The following MED13L variants were observed in gnomAD, a reference collection of about 807,000 sequenced individuals.
The protein encoded by MED13L is mediator of RNA polymerase II transcription subunit 13-like.
MED13L carries 7 observed loss-of-function variants against 220.9 expected under a neutral mutation model. That is an observed-to-expected ratio of 0.03 (90% CI 0.02 to 0.06). MED13L has a LOEUF of 0.06. Among genes scored for constraint, MED13L ranks in the 10% least tolerant of loss-of-function variants. The pLI is 1.00. For missense variants in MED13L, 1,965 were observed against 2,760.5 expected (o/e 0.71, Z 6.46); for synonymous variants, 1,011 against 1,015.2 (o/e 1.00, Z 0.08).
At chr12:116,006,434 C>T (rs1210030604) in intron 11 of MED13L, 23 bp from the exon 12 acceptor site, 2 of 1,587,954 alleles carry the variant, frequency 1.3e-6, no homozygotes, top group Non-Finnish European at 1.7e-6. Flanking sequence ...TTCAGCCAAA[C>T]AAAACACATG....
chr12:116,052,676 C>A (rs1566032262), intron 4 of MED13L, among the ~76,000 whole-genome samples: 1 of 152,188 alleles, frequency 6.6e-6, no homozygotes, highest in Admixed American at 6.5e-5. Context: ...ACCATTTTGA[C>A]AAATTAGCCA....
chr12:116,147,915 C>T (rs976144036), intron 2 of MED13L, among the ~76,000 whole-genome samples: 8 of 150,846 alleles, frequency 5.3e-5, no homozygotes, highest in Non-Finnish European at 1.2e-4. Flanking sequence ...GGCTTGGTGG[C>T]GTGCACCTGT....
intron 13 of MED13L, 61 bp from the exon 14 acceptor site, chr12:116,003,163 A>G: frequency 7.0e-7 from 1 of 1,432,888 alleles, no homozygotes; most frequent in Non-Finnish European, 9.8e-7. Context: ...CAGCATTCAA[A>G]TATTTCCTAA....
chr12:116,139,955 A>C (rs891532974), intron 2 of MED13L, among the ~76,000 whole-genome samples: 58 of 136,224 alleles, frequency 4.3e-4, no homozygotes, highest in Non-Finnish European at 7.6e-4. Flanking sequence ...GGGCAACAAA[A>C]CCAAAACTCC....
Position 116,277,078 on chromosome 12 carries a change from G to C in MED13L, c.54C>G (p.His18Gln). The stretch of plus-strand genomic sequence containing the variant: ...TACTCACCAGCGAAAAGAGGTTGGA[G>C]TGACAATCCTCCAGGCTCGCCCCGT... ...VANGASLEDCHSNLFSLAELT... is the reference protein window; with the variant it reads ...VANGASLEDCQSNLFSLAELT... The change falls in exon 1 of 31, where the codon CAC becomes CAG. Residue 18 changes from histidine (H) to glutamine (Q), a missense_variant. His to Gln is a conservative substitution (Grantham distance 24). Coordinates refer to ENST00000281928, the MANE Select transcript of MED13L (RefSeq NM_015335.5). 3 of 1,593,978 alleles carry C rather than the reference G, an allele frequency of 1.9e-6. No homozygotes were observed. The highest frequency in any genetic ancestry group is 2.6e-6 in the Non-Finnish European group (3 of 1,171,660).
At chr12:116,129,879 A>C (rs1875914896) in intron 2 of MED13L, among the ~76,000 whole-genome samples, 1 of 151,522 alleles carries the variant, frequency 6.6e-6, no homozygotes, top group South Asian at 2.1e-4. Flanking sequence ...ACGGCACTCC[A>C]GCCTGGGCAA....
chr12:116,183,657 A>G (rs1565917137), intron 2 of MED13L, among the ~76,000 whole-genome samples: 2 of 152,202 alleles, frequency 1.3e-5, no homozygotes, highest in Admixed American at 6.5e-5. Context: ...AAAGACAAAT[A>G]TTTCAACATG....
At chr12:115,984,619 C>G (rs1330837004) in intron 19 of MED13L, among the ~76,000 whole-genome samples, 7 of 152,132 alleles carry the variant, frequency 4.6e-5, no homozygotes, top group Non-Finnish European at 8.8e-5. Context: ...TTTCTTCACT[C>G]AAGCCAATTC....
chr12:116,130,937 G>C (rs753479872), intron 2 of MED13L, among the ~76,000 whole-genome samples: 1 of 152,064 alleles, frequency 6.6e-6, no homozygotes, highest in Non-Finnish European at 1.5e-5. Flanking sequence ...TATGTTCAAA[G>C]TGACATTTTC....
chr12:116,112,943 C>T (rs1368055026), intron 2 of MED13L, among the ~76,000 whole-genome samples: 2 of 152,154 alleles, frequency 1.3e-5, no homozygotes, highest in African/African-American at 4.8e-5. Flanking sequence ...CATTATTTTG[C>T]AAACCACCAG....
chr12:116,250,533 G>T (rs1871445493), intron 1 of MED13L, among the ~76,000 whole-genome samples: 1 of 150,994 alleles, frequency 6.6e-6, no homozygotes, highest in Non-Finnish European at 1.5e-5. Context: ...GAAGGCTGAG[G>T]CAGGTGGATC....
At chr12:116,253,441 A>T (rs1435257519) in intron 1 of MED13L, among the ~76,000 whole-genome samples, 1 of 152,100 alleles carries the variant, frequency 6.6e-6, no homozygotes, top group Non-Finnish European at 1.5e-5. Flanking sequence ...CTATTTCCCA[A>T]ACTATTTTAT....
chr12:115,970,959 C>T (rs894382581), intron 26 of MED13L, among the ~76,000 whole-genome samples, 189 bp from the exon 27 acceptor site: 32 of 152,088 alleles, frequency 2.1e-4, no homozygotes, highest in African/African-American at 7.7e-4. Context: ...TATAATAACC[C>T]AAGTTTCATT....
intron 4 of MED13L, among the ~76,000 whole-genome samples, chr12:116,030,473 A>T (rs537923022): frequency 6.6e-6 from 1 of 152,208 alleles, no homozygotes; most frequent in Admixed American, 6.5e-5. Flanking sequence ...TTATAGGCCT[A>T]AAAGTCTTAA....
intron 1 of MED13L, among the ~76,000 whole-genome samples, chr12:116,260,785 T>C (rs1271354697): frequency 6.6e-6 from 1 of 152,186 alleles, no homozygotes; most frequent in East Asian, 1.9e-4. Flanking sequence ...TTCACCCTCT[T>C]ACCAAAAATA....
chr12:116,141,130 CACA>C (rs1056037244), intron 2 of MED13L, among the ~76,000 whole-genome samples: 17 of 152,206 alleles, frequency 1.1e-4, no homozygotes, highest in African/African-American at 3.1e-4. Flanking sequence ...ACCTTCAAAC[CACA>C]ACCTTATGAC....
chr12:116,238,675 A>G (rs1870323155), intron 1 of MED13L, among the ~76,000 whole-genome samples: 1 of 152,252 alleles, frequency 6.6e-6, no homozygotes, highest in African/African-American at 2.4e-5. Context: ...ATGTACCACT[A>G]GGTAGAAAAC....
At position 116,178,627 on chromosome 12, in the gene MED13L, C is replaced by T. The variant is rs1236136557; in HGVS notation, c.310+58841G>A. Among the ~76,000 whole-genome samples the T allele has an allele frequency of 3.7e-4, 56 of 152,216 alleles. 2 individuals are homozygous for T. The highest frequency in any genetic ancestry group is 5.9e-5 in the Non-Finnish European group (4 of 68,044). The stretch of plus-strand genomic sequence containing the variant: ...ACTCTAATCCTGTGATACTTCTGCA[C>T]TGTTCTTACAACCCACTTGCCTTGT... On this transcript the variant is annotated intron_variant, in intron 2 of 30. Transcript: ENST00000281928.
At chr12:116,211,033 A>C (rs1186592405) in intron 2 of MED13L, among the ~76,000 whole-genome samples, 1 of 152,204 alleles carries the variant, frequency 6.6e-6, no homozygotes, top group Non-Finnish European at 1.5e-5. Flanking sequence ...ATGAAGAGGG[A>C]GGAAAGGACT....
Sources: allele counts gnomAD v4.1 joint callset (sites outside exome capture counted in the v4.1 genomes callset), GRCh38; gene constraint gnomAD v4.1.1; transcripts MANE v1.5; gene names NCBI Gene and HGNC (gene_info 2026-07-23, HGNC 2026-07-21).